The following SPATA24 variants were observed in gnomAD, a reference collection of about 807,000 sequenced individuals.
The protein encoded by SPATA24 is spermatogenesis associated 24, also known as spermatogenesis-associated protein 24.
SPATA24 carries 21 observed loss-of-function variants against 28.9 expected under a neutral mutation model. The observed-to-expected ratio is 0.73, with a 90% CI of 0.52 to 1.05. The LOEUF is 1.05. Among genes scored for constraint, SPATA24 ranks in the 50% least tolerant of loss-of-function variants. SPATA24 has a pLI of 0.00. For missense variants in SPATA24, 215 were observed against 242.9 expected (o/e 0.88, Z 0.76); for synonymous variants, 76 against 89.9 (o/e 0.85, Z 0.88).
chr5:139,392,771 CG>C, downstream of SPATA24: 1 of 1,439,796 alleles, frequency 6.9e-7, no homozygotes. The surrounding 1 kb of genome is among the most constrained non-coding windows in gnomAD (Gnocchi z 5.8). Flanking sequence ...CCGTCGCCGT[CG>C]GGGACCAGGC....
intron 4 of SPATA24, 117 bp from the exon 5 acceptor site, chr5:139,397,260 T>C: frequency 2.9e-6 from 2 of 700,746 alleles, no homozygotes; most frequent in Non-Finnish European, 4.9e-6. Flanking sequence ...GAGTTCTCCA[T>C]GAAGAACTGC....
In SPATA24 at chr5:139,404,017, A is replaced by C. The variant is rs1399381768; in HGVS notation, c.44T>G (p.Val15Gly). The change falls in exon 1 of 6, where the codon GTG becomes GGG. Residue 15 changes from valine to glycine, a missense_variant. By Grantham distance (109) the Val-to-Gly change is moderately radical (BLOSUM62 -3). Coordinates refer to ENST00000450845, the MANE Select transcript of SPATA24 (RefSeq NM_194296.2). ...LGWSKAGSGS[V>G]CLALDQLRDV... ...CCGCAGTTGATCTAAAGCGAGACAC[A>C]CAGATCCTGACCCCGCCTTCGACCA... 8.4e-6 allele frequency: 13 copies of C among 1,551,866 alleles called. No individual in the cohort carries two copies. Among genetic ancestry groups the C allele is most frequent in the South Asian group, 1.2e-5 (1 of 84,058 alleles).
Position 139,402,617 on chromosome 5 carries a change from C to G in SPATA24, c.183+11G>C. The G allele has an allele frequency of 6.4e-7, 1 of 1,551,128 alleles. No individual in the cohort carries two copies. The highest frequency in any genetic ancestry group is 8.7e-7 in the Non-Finnish European group (1 of 1,146,516). ...GGGGAAGATTAGGAGACCGCAGAGG[C>G]CATTACTTACCACCAGCTTCTTCTC... On this transcript the variant is annotated intron_variant, in intron 2 of 5. Transcript: ENST00000450845.
chr5:139,398,951 G>A (rs1758767154), intron 4 of SPATA24, among the ~76,000 whole-genome samples: 1 of 112,150 alleles, frequency 8.9e-6, no homozygotes, highest in Non-Finnish European at 1.7e-5. Flanking sequence ...TTGAACCCAG[G>A]AGACGGAGGT....
At chr5:139,399,724 C>T (rs1758785086) in intron 4 of SPATA24, among the ~76,000 whole-genome samples, 1 of 152,204 alleles carries the variant, frequency 6.6e-6, no homozygotes, top group Non-Finnish European at 1.5e-5. Context: ...GTGGGAGGCA[C>T]TGGCCAGGGT....
downstream of SPATA24, chr5:139,394,640 G>T (rs1758662014): frequency 6.5e-7 from 1 of 1,534,676 alleles, no homozygotes; most frequent in East Asian, 2.5e-5. Context: ...GGAGACGCTG[G>T]CCCCGGCGGC....
rs1218297705 is a variant in SPATA24 at position 139,403,928 on chromosome 5, T to G, written c.117+16A>C. The stretch of plus-strand genomic sequence containing the variant: ...CATCCGGCCCCGCCTCTCCCCAAAC[T>G]CCTCTGGCTGCATACCACGTTCCTC... On this transcript the variant is annotated intron_variant, in intron 1 of 5. Coordinates refer to ENST00000450845, the MANE Select transcript of SPATA24 (RefSeq NM_194296.2). 6.5e-7 allele frequency: 1 copy of G among 1,547,806 alleles called. No homozygotes were observed. Among genetic ancestry groups the G allele is most frequent in the Admixed American group, 2.0e-5 (1 of 50,948 alleles).
In SPATA24 at chr5:139,400,955, G is replaced by A. The variant is rs1274431197; in HGVS notation, c.385+800C>T. 2.0e-5 allele frequency among the ~76,000 whole-genome samples: 3 copies of A among 151,800 alleles called. No individual in the cohort carries two copies. In the South Asian group the frequency reaches 6.2e-4, roughly 32 times the overall value. ...GGGGATCACCTGAGGTCAGGAGTTC[G>A]AGACCAGCCTGACCAACATGGTGAA... On this transcript the variant is annotated intron_variant, in intron 4 of 5. Coordinates refer to ENST00000450845, the MANE Select transcript of SPATA24 (RefSeq NM_194296.2).
chr5:139,401,980 A>G lies in SPATA24; in HGVS notation c.249T>C (p.Phe83=), dbSNP rs373555360. Residue 83 remains phenylalanine, a synonymous_variant, in exon 3 of 6, where the codon TTT becomes TTC. Coordinates refer to ENST00000450845, the MANE Select transcript of SPATA24 (RefSeq NM_194296.2). ...LLAKEEEKLQ[F]ALGEVEVLSK... is the part of the protein sequence containing the mutation. Reference sequence around the variant, plus strand: ...ATAGCACCTCTACCTCTCCGAGGGCAAACTGTAACTTCTCCTCTTCCTTGG... The same window carrying G: ...ATAGCACCTCTACCTCTCCGAGGGCGAACTGTAACTTCTCCTCTTCCTTGG... 15 of 1,551,586 alleles carry G rather than the reference A, an allele frequency of 9.7e-6. No individual in the cohort carries two copies. The African/African-American group carries it at 2.1e-4, about 21-fold the overall frequency.
chr5:139,394,847 G>A (rs145817341), downstream of SPATA24: 41 of 1,531,206 alleles, frequency 2.7e-5, no homozygotes, highest in East Asian at 1.1e-3. Context: ...TGCCGCTGGC[G>A]GCTATTCTGG....
At chr5:139,396,103 C>T, downstream of SPATA24, 1 of 900,898 alleles carries the variant, frequency 1.1e-6, no homozygotes. Flanking sequence ...AGCAAGAGCA[C>T]TGCCCCCTCC....
At chr5:139,394,199 C>A (rs1371821276), downstream of SPATA24, 5 of 1,548,308 alleles carry the variant, frequency 3.2e-6, no homozygotes, top group African/African-American at 5.5e-5. Context: ...CGAGACTTAG[C>A]CTTCTCCAGG....
chr5:139,401,645 C>T (rs1385240068), intron 4 of SPATA24, 110 bp downstream of exon 4: 1 of 1,242,428 alleles, frequency 8.0e-7, no homozygotes, highest in Admixed American at 2.0e-5. Flanking sequence ...CCTGTATCCT[C>T]AGCTGGGGAC....
intron 4 of SPATA24, among the ~76,000 whole-genome samples, chr5:139,400,149 G>A (rs937967255): frequency 1.3e-5 from 2 of 152,116 alleles, no homozygotes; most frequent in Non-Finnish European, 2.9e-5. Context: ...CACTAGGGGA[G>A]AGAGAAGGCT....
At chr5:139,393,850 G>A (rs1159771674), downstream of SPATA24, 5 of 1,550,878 alleles carry the variant, frequency 3.2e-6, no homozygotes, top group Non-Finnish European at 4.4e-6. Context: ...GTTCTGGGGC[G>A]ACGGGCAGCG....
chr5:139,402,738 A>G, intron 1 of SPATA24, 45 bp from the exon 2 acceptor site: 1 of 1,489,734 alleles, frequency 6.7e-7, no homozygotes, highest in Non-Finnish European at 9.2e-7. Flanking sequence ...CTGGAGTAGA[A>G]GGGGCGCCCT....
At chr5:139,393,031 A>G, downstream of SPATA24, 1 of 1,524,626 alleles carries the variant, frequency 6.6e-7, no homozygotes, top group Non-Finnish European at 8.8e-7. Flanking sequence ...AAAATCCTTG[A>G]TGAAAACGGA....
At chr5:139,392,962 C>T (rs1281326971), downstream of SPATA24, 1 of 1,505,912 alleles carries the variant, frequency 6.6e-7, no homozygotes, top group Non-Finnish European at 8.9e-7. This position sits in a 1 kb window ranked among gnomAD's most constrained non-coding sequence, Gnocchi z 5.8. Flanking sequence ...TGAGGCGTCC[C>T]GGGCGACCGT....
At chr5:139,394,520 A>G (rs1758660156), downstream of SPATA24, 1 of 1,460,264 alleles carries the variant, frequency 6.8e-7, no homozygotes. Context: ...ACCTCCACAC[A>G]CTCGAACTGC....
Sources: allele counts gnomAD v4.1 joint callset (sites outside exome capture counted in the v4.1 genomes callset), GRCh38; gene constraint gnomAD v4.1.1; non-coding constraint Gnocchi (gnomAD v3.1); transcripts MANE v1.5; gene names NCBI Gene and HGNC (gene_info 2026-07-23, HGNC 2026-07-21).